Variants in MAGI3 observed in about 807,000 individuals in gnomAD.
MAGI3 encodes membrane associated guanylate kinase, WW and PDZ domain containing 3.
Under a neutral mutation model 121.8 loss-of-function variants are expected in MAGI3, and 43 were observed. The ratio of observed to expected loss-of-function variants is 0.35; its 90% CI spans 0.28 to 0.46. The LOEUF (loss-of-function observed/expected upper bound fraction) is 0.46, where lower values mean the gene tolerates loss of function less well. Among genes scored for constraint, MAGI3 ranks in the 20% least tolerant of loss-of-function variants. The pLI is 1.00. For missense variants in MAGI3, 1,547 were observed against 1,797.3 expected (o/e 0.86, Z 2.52); for synonymous variants, 553 against 639.3 (o/e 0.86, Z 2.04).
chr1:113,578,415 C>CT (rs532559499), intron 2 of MAGI3, among the ~76,000 whole-genome samples: 54 of 147,898 alleles, frequency 3.7e-4, no homozygotes, highest in African/African-American at 5.0e-4. Flanking sequence ...CTTGAATTTC[C>CT]TTTTTTTTTT....
chr1:113,416,060 AT>A (rs1382148546), intron 1 of MAGI3, among the ~76,000 whole-genome samples: 1 of 148,930 alleles, frequency 6.7e-6, no homozygotes, highest in Non-Finnish European at 1.5e-5. Context: ...AATGACACAT[AT>A]TAATTATGTA....
chr1:113,628,056 A>G (rs1246748039), intron 9 of MAGI3, among the ~76,000 whole-genome samples: 1 of 151,900 alleles, frequency 6.6e-6, no homozygotes, highest in Non-Finnish European at 1.5e-5. Flanking sequence ...TACTCCTGCC[A>G]TTTTGTTATT....
chr1:113,630,801 G>A (rs1440084348), intron 9 of MAGI3, among the ~76,000 whole-genome samples: 1 of 152,032 alleles, frequency 6.6e-6, no homozygotes, highest in Non-Finnish European at 1.5e-5. Context: ...GGGAGCTAAG[G>A]GAGAGGTGGC....
intron 1 of MAGI3, among the ~76,000 whole-genome samples, chr1:113,471,089 A>G (rs965201036): frequency 6.6e-6 from 1 of 152,126 alleles, no homozygotes; most frequent in African/African-American, 2.4e-5. Context: ...GTTTTTGTTT[A>G]TGGTCTGAAA....
Position 113,622,960 on chromosome 1 carries a change from T to C in MAGI3, c.1326T>C (p.Asp442=), listed in dbSNP as rs762587171. ...TACAAGTGAAAAATGTGCTGAAAGATGGTCCCGCAGCTCAGGATGGGAAAA... is the reference window on the plus strand; with the variant it reads ...TACAAGTGAAAAATGTGCTGAAAGACGGTCCCGCAGCTCAGGATGGGAAAA... ...EFLQVKNVLK[D]GPAAQDGKIA... is the part of the protein sequence containing the mutation. The change falls in exon 9 of 21, where the codon GAT becomes GAC. Residue 442 remains aspartate (D), a synonymous_variant. Transcript: ENST00000307546. 5 of 1,566,300 alleles carry C rather than the reference T, an allele frequency of 3.2e-6. No individual in the cohort carries two copies. Among genetic ancestry groups the C allele is most frequent in the Non-Finnish European group, 4.3e-6 (5 of 1,163,166 alleles).
At chr1:113,481,808 A>T (rs1656129994) in intron 1 of MAGI3, among the ~76,000 whole-genome samples, 1 of 152,204 alleles carries the variant, frequency 6.6e-6, no homozygotes. Flanking sequence ...TTCTTAAATT[A>T]TGGTTCTGCA....
intron 1 of MAGI3, among the ~76,000 whole-genome samples, chr1:113,473,014 T>G (rs964142212): frequency 6.6e-6 from 1 of 152,238 alleles, no homozygotes; most frequent in Non-Finnish European, 1.5e-5. Context: ...GGTATTAGCA[T>G]ATTCTGAATT....
chr1:113,543,966 T>C (rs1659411895), intron 1 of MAGI3, among the ~76,000 whole-genome samples: 1 of 152,124 alleles, frequency 6.6e-6, no homozygotes, highest in Admixed American at 6.5e-5. Context: ...AAATAAACCA[T>C]GGCCTTGGCC....
chr1:113,553,457 T>C (rs1659862055), intron 2 of MAGI3, among the ~76,000 whole-genome samples: 1 of 152,048 alleles, frequency 6.6e-6, no homozygotes, highest in Admixed American at 6.5e-5. Context: ...AACCAAAAAA[T>C]CTCTCGGAGT....
intron 1 of MAGI3, among the ~76,000 whole-genome samples, chr1:113,515,970 T>C (rs1300926426): frequency 1.3e-5 from 2 of 152,014 alleles, no homozygotes; most frequent in African/African-American, 4.8e-5. Flanking sequence ...AGGACTGTCC[T>C]GTGTACCATA....
Position 113,672,599 on chromosome 1 carries a change from T to C in MAGI3, c.2919-16T>C. On this transcript the variant is annotated splice_polypyrimidine_tract_variant and intron_variant, in intron 17 of 20. Coordinates refer to ENST00000307546, the MANE Select transcript of MAGI3 (RefSeq NM_001142782.2). ...TTTCTCAGTTCAGAGAGTGACTTGA[T>C]TTCTCTCTCTTGTAGAAGTGCCCTA... 1 of 1,605,272 alleles carries C rather than the reference T, an allele frequency of 6.2e-7. No individual in the cohort carries two copies. The highest frequency in any genetic ancestry group is 8.5e-7 in the Non-Finnish European group (1 of 1,177,034).
Position 113,505,213 on chromosome 1 carries a change from G to A in MAGI3, c.317-44302G>A, listed in dbSNP as rs961592944. 5.9e-5 allele frequency among the ~76,000 whole-genome samples: 9 copies of A among 152,094 alleles called. No individual in the cohort carries two copies. In the East Asian group the frequency reaches 1.4e-3, roughly 23 times the overall value. On this transcript the variant is annotated intron_variant, in intron 1 of 20. Coordinates refer to ENST00000307546, the MANE Select transcript of MAGI3 (RefSeq NM_001142782.2). Reference sequence around the variant, plus strand: ...AGTCAAGACTCAAGATTTAAATTTGGGAGTGAACTATAGAGGCAATATTAG... The same window carrying A: ...AGTCAAGACTCAAGATTTAAATTTGAGAGTGAACTATAGAGGCAATATTAG...
rs941475600 is a variant in MAGI3 at position 113,642,659 on chromosome 1, T to G, written c.1966+143T>G. On this transcript the variant is annotated intron_variant, in intron 10 of 20. Transcript: ENST00000307546. ...CATTTTCCTTAAGGTTCTGTCTGAT[T>G]GTTTCCATAAGCAGTGTCTTTTTCA... The G allele has an allele frequency of 3.3e-6, 3 of 915,156 alleles. No homozygotes were observed. In the African/African-American group the frequency reaches 5.0e-5, roughly 15 times the overall value. The allele number at this position is 915,156 out of a possible 1,614,324, so 56.7% of individuals were successfully genotyped here.
chr1:113,450,501 A>G, intron 1 of MAGI3: 1 of 1,029,832 alleles, frequency 9.7e-7, no homozygotes, highest in Non-Finnish European at 1.5e-6. Flanking sequence ...GGTGGTGGAT[A>G]TGGTGGAGGT....
intron 6 of MAGI3, among the ~76,000 whole-genome samples, 187 bp downstream of exon 6, chr1:113,594,747 T>C (rs531037337): frequency 2.8e-4 from 43 of 152,338 alleles, no homozygotes; most frequent in African/African-American, 9.4e-4. Context: ...TATGAGAGAT[T>C]TCATTTCTTT....
chr1:113,394,890 A>C (rs1481587579), intron 1 of MAGI3, among the ~76,000 whole-genome samples: 1 of 152,122 alleles, frequency 6.6e-6, no homozygotes, highest in Non-Finnish European at 1.5e-5. Flanking sequence ...GGTAATGTTA[A>C]AGGTAGGTAA....
intron 1 of MAGI3, among the ~76,000 whole-genome samples, chr1:113,433,088 G>T (rs1653387397): frequency 6.6e-6 from 1 of 152,042 alleles, no homozygotes; most frequent in South Asian, 2.1e-4. Context: ...GTATATGTAT[G>T]GTTTTAATTT....
chr1:113,637,587 GC>G, intron 9 of MAGI3, among the ~76,000 whole-genome samples: 1 of 152,302 alleles, frequency 6.6e-6, no homozygotes, highest in African/African-American at 2.4e-5. Context: ...TAGAGTTTCT[GC>G]CAAGAGATCC....
At chr1:113,611,272 A>G (rs1416482911) in intron 6 of MAGI3, among the ~76,000 whole-genome samples, 1 of 151,896 alleles carries the variant, frequency 6.6e-6, no homozygotes, top group Non-Finnish European at 1.5e-5. Flanking sequence ...TTTTTAGTAG[A>G]GATAGGGGTT....
Sources: allele counts gnomAD v4.1 joint callset (sites outside exome capture counted in the v4.1 genomes callset), GRCh38; gene constraint gnomAD v4.1.1; transcripts MANE v1.5; gene names NCBI Gene and HGNC (gene_info 2026-07-23, HGNC 2026-07-21).